Variants in SLC16A10 observed in about 807,000 individuals in gnomAD.
SLC16A10 encodes the protein solute carrier family 16 member 10, also known as monocarboxylate transporter 10.
Under a neutral mutation model 40.0 loss-of-function variants are expected in SLC16A10, and 27 were observed. The ratio of observed to expected loss-of-function variants is 0.67; its 90% CI spans 0.50 to 0.93. SLC16A10 has a LOEUF of 0.93. SLC16A10 is among the 40% of genes least tolerant of loss of function. SLC16A10 has a pLI of 0.00. For synonymous variants in SLC16A10, 213 were observed against 249.8 expected (o/e 0.85, Z 1.39); for missense variants, 529 against 658.2 (o/e 0.80, Z 2.15).
rs542383608 is a variant in SLC16A10 at position 111,183,031 on chromosome 6, G to C, written c.942+5366G>C. Among the ~76,000 whole-genome samples the C allele has an allele frequency of 8.4e-4, 128 of 152,278 alleles. 1 individual carries two copies. The highest frequency in any genetic ancestry group is 1.0e-3 in the Admixed American group (16 of 15,292). On this transcript the variant is annotated intron_variant, in intron 3 of 5. Coordinates refer to ENST00000368851, the MANE Select transcript of SLC16A10 (RefSeq NM_018593.5). ...GTTTGTTCTCTATGAAGAAGCCACA[G>C]GCATTCTTTCTAAACATAAGTCACT...
intron 3 of SLC16A10, among the ~76,000 whole-genome samples, chr6:111,188,462 G>A (rs1160162658): frequency 6.6e-6 from 1 of 151,950 alleles, no homozygotes; most frequent in East Asian, 1.9e-4. Flanking sequence ...TTCAAAAATA[G>A]GGTTATAACA....
intron 4 of SLC16A10, among the ~76,000 whole-genome samples, chr6:111,216,795 G>C (rs1773430277): frequency 6.6e-6 from 1 of 152,112 alleles, no homozygotes. Flanking sequence ...GTACCGAACT[G>C]TATGATATGA....
At chr6:111,127,646 G>A (rs571579487) in intron 1 of SLC16A10, among the ~76,000 whole-genome samples, 1 of 152,276 alleles carries the variant, frequency 6.6e-6, no homozygotes, top group African/African-American at 2.4e-5. Flanking sequence ...TAGAACTGCA[G>A]TGTTCTTGCT....
chr6:111,098,429 A>G (rs1771115470), intron 1 of SLC16A10, among the ~76,000 whole-genome samples: 2 of 152,206 alleles, frequency 1.3e-5, no homozygotes, highest in South Asian at 4.1e-4. Context: ...TAAAAAGTGT[A>G]GTAAAATTTT....
rs112443229 is a variant in SLC16A10, at chr6:111,183,726, G to A, written c.942+6061G>A. On this transcript the variant is annotated intron_variant, in intron 3 of 5. Coordinates refer to ENST00000368851, the MANE Select transcript of SLC16A10 (RefSeq NM_018593.5). ...AGTAATGCTGTCCGTTGATGGAGGA[G>A]AGAGTTGGTGTGTTTTGCTCTGATT... is the stretch of plus-strand genomic sequence containing the variant. Among the ~76,000 whole-genome samples the A allele has an allele frequency of 8.8e-3, 1,346 of 152,326 alleles. 11 individuals carry two copies. Among genetic ancestry groups the A allele is most frequent in the Middle Eastern group, 0.024 (7 of 294 alleles).
intron 3 of SLC16A10, among the ~76,000 whole-genome samples, chr6:111,200,283 A>G (rs763092301): frequency 3.3e-5 from 5 of 152,264 alleles, no homozygotes; most frequent in Admixed American, 6.5e-5. Context: ...AGCACATCTT[A>G]GAGATACTTT....
chr6:111,091,686 T>TTTTTTTTTTTTTTTTTTTTTTTGAG (rs1562393832), intron 1 of SLC16A10, among the ~76,000 whole-genome samples: 3 of 152,210 alleles, frequency 2.0e-5, no homozygotes, highest in African/African-American at 7.2e-5. Context: ...GAGCCTTTCT[T>TTTTTTTTTTTTTTTTTTTTTTTGAG]AGGCTCACTT....
At chr6:111,193,404 G>A (rs1773028805) in intron 3 of SLC16A10, 1 of 792,418 alleles carries the variant, frequency 1.3e-6, no homozygotes, top group South Asian at 5.8e-5. Flanking sequence ...GATGAATAAG[G>A]ATCTTTATTT....
rs1006553210 is a variant in SLC16A10, at chr6:111,228,240, A to G, written c.*6005A>G. Reference sequence around the variant, plus strand: ...GAGGGTAGATGATCAGTGATGACAGATTGTACAGCTGTGCCCAAACCTGAC... The same window carrying G: ...GAGGGTAGATGATCAGTGATGACAGGTTGTACAGCTGTGCCCAAACCTGAC... On this transcript the variant is annotated 3_prime_UTR_variant, in exon 6 of 6. Transcript: ENST00000368851. The G allele has an allele frequency of 3.9e-5, 6 of 152,340 alleles. No individual in the cohort carries two copies. The South Asian group carries it at 1.0e-3, about 26-fold the overall frequency. The allele number at this position is 152,340 out of a possible 1,614,324, so 9.4% of individuals were successfully genotyped here.
chr6:111,151,330 A>G (rs1772168532), intron 1 of SLC16A10, among the ~76,000 whole-genome samples: 1 of 152,152 alleles, frequency 6.6e-6, no homozygotes, highest in Non-Finnish European at 1.5e-5. Context: ...CTTCATTCTT[A>G]AACTCTGCAT....
At position 111,227,501 on chromosome 6, in the gene SLC16A10, C is replaced by T. The variant is rs1771023207; in HGVS notation, c.*5266C>T. 6.6e-6 allele frequency: 1 copy of T among 152,190 alleles called. No homozygotes were observed. Among genetic ancestry groups the T allele is most frequent in the Non-Finnish European group, 1.5e-5 (1 of 68,024 alleles). 9.4% of individuals were successfully genotyped at this position (152,190 alleles called of 1,614,324 possible). On this transcript the variant is annotated 3_prime_UTR_variant, in exon 6 of 6. Coordinates refer to ENST00000368851, the MANE Select transcript of SLC16A10 (RefSeq NM_018593.5). The stretch of plus-strand genomic sequence containing the variant: ...GTAAAGACTCCTGGAAAATTCATGA[C>T]ATCTTTGAATCACTCAGAAAAATCT...
intron 3 of SLC16A10, among the ~76,000 whole-genome samples, chr6:111,182,307 T>G: frequency 9.6e-6 from 1 of 104,542 alleles, no homozygotes; most frequent in Admixed American, 1.2e-4. Context: ...GGCCTCTGGG[T>G]TTCTTTTTTT....
At position 111,222,778 on chromosome 6, in the gene SLC16A10, T is replaced by C; in HGVS notation, c.*543T>C. 1 of 154,554 alleles carries C rather than the reference T, an allele frequency of 6.5e-6. No individual in the cohort carries two copies. Among genetic ancestry groups the C allele is most frequent in the Non-Finnish European group, 1.4e-5 (1 of 69,862 alleles). 9.6% of individuals were successfully genotyped at this position (154,554 alleles called of 1,614,324 possible). A position where few individuals can be genotyped will look rare whatever the true frequency, so the allele number is the denominator to read the frequency against. On this transcript the variant is annotated 3_prime_UTR_variant, in exon 6 of 6. Coordinates refer to ENST00000368851, the MANE Select transcript of SLC16A10 (RefSeq NM_018593.5). ...TAAATAAGCTATGATATTAAGATAT[T>C]CTGACTTGCTCCAGTGTCAAGGGAC...
chr6:111,209,947 G>A (rs1288959482), intron 4 of SLC16A10, among the ~76,000 whole-genome samples: 2 of 152,118 alleles, frequency 1.3e-5, no homozygotes, highest in East Asian at 3.9e-4. Context: ...AAGCCACAAG[G>A]GGGGGTCTTA....
At chr6:111,119,336 T>G (rs1771543148) in intron 1 of SLC16A10, among the ~76,000 whole-genome samples, 2 of 152,228 alleles carry the variant, frequency 1.3e-5, no homozygotes, top group African/African-American at 4.8e-5. Context: ...GGCTGCATAG[T>G]CTCTTTTGCA....
At position 111,218,847 on chromosome 6, in the gene SLC16A10, A is replaced by G. The variant is rs1026473710; in HGVS notation, c.1120A>G (p.Met374Val). 1 of 1,614,040 alleles carries G rather than the reference A, an allele frequency of 6.2e-7. No homozygotes were observed. The highest frequency in any genetic ancestry group is 1.3e-5 in the African/African-American group (1 of 74,920). ...CTTTTTCTTCATTGGTCTGATGTCC[A>G]TGATGATTCCTCTGTGTAGCATCTT... Reference protein sequence around the residue: ...LSFFFIGLMSMMIPLCSIFGA... With the variant: ...LSFFFIGLMSVMIPLCSIFGA... Residue 374 changes from methionine to valine, a missense_variant, in exon 5 of 6, where the codon ATG becomes GTG. Coordinates refer to ENST00000368851, the MANE Select transcript of SLC16A10 (RefSeq NM_018593.5).
chr6:111,136,922 G>A (rs1281268903), intron 1 of SLC16A10, among the ~76,000 whole-genome samples: 1 of 152,146 alleles, frequency 6.6e-6, no homozygotes, highest in East Asian at 1.9e-4. Flanking sequence ...CCATGCTCAC[G>A]CAGCAATATG....
At chr6:111,133,709 AT>A (rs1771826625) in intron 1 of SLC16A10, among the ~76,000 whole-genome samples, 1 of 152,146 alleles carries the variant, frequency 6.6e-6, no homozygotes, top group African/African-American at 2.4e-5. Flanking sequence ...CCCTAACCTG[AT>A]GTCCCCCTGA....
chr6:111,209,762 A>G (rs1773316150), intron 4 of SLC16A10, among the ~76,000 whole-genome samples: 1 of 152,230 alleles, frequency 6.6e-6, no homozygotes, highest in Admixed American at 6.5e-5. Flanking sequence ...CAGCAGTGTC[A>G]GTAGCTAGTG....
Sources: allele counts gnomAD v4.1 joint callset (sites outside exome capture counted in the v4.1 genomes callset), GRCh38; gene constraint gnomAD v4.1.1; transcripts MANE v1.5; gene names NCBI Gene and HGNC (gene_info 2026-07-23, HGNC 2026-07-21).